The following ROBO1 variants were observed in gnomAD, a reference collection of about 807,000 sequenced individuals.
ROBO1 encodes roundabout homolog 1.
ROBO1 carries 149 observed loss-of-function variants against 195.9 expected under a neutral mutation model. That is an observed-to-expected ratio of 0.76 (90% CI 0.67 to 0.87). The LOEUF is 0.87. ROBO1 is among the 40% of genes least tolerant of loss of function. ROBO1 has a pLI of 0.00. For missense variants in ROBO1, 1,933 were observed against 2,068.3 expected (o/e 0.93, Z 1.27); for synonymous variants, 816 against 733.2 (o/e 1.11, Z -1.82).
chr3:79,508,452 A>C (rs1940528419), intron 2 of ROBO1, among the ~76,000 whole-genome samples: 1 of 152,140 alleles, frequency 6.6e-6, no homozygotes, highest in Non-Finnish European at 1.5e-5. Flanking sequence ...TAAAACCCTC[A>C]ATCTGTGGTG....
chr3:79,248,684 G>A (rs2082669339), intron 2 of ROBO1, among the ~76,000 whole-genome samples: 1 of 152,250 alleles, frequency 6.6e-6, no homozygotes, highest in Non-Finnish European at 1.5e-5. Context: ...TCGTTTTAAT[G>A]TTTCTGGCAA....
chr3:78,829,649 G>A (rs916874694), intron 4 of ROBO1, among the ~76,000 whole-genome samples: 1 of 152,090 alleles, frequency 6.6e-6, no homozygotes, highest in African/African-American at 2.4e-5. Flanking sequence ...CCCCTCTACT[G>A]TTTTCTCTTG....
intron 2 of ROBO1, among the ~76,000 whole-genome samples, chr3:79,467,699 G>A (rs538829138): frequency 1.6e-4 from 24 of 152,164 alleles, no homozygotes; most frequent in Admixed American, 3.9e-4. Context: ...CCATTTGTCC[G>A]TGTGACCTGA....
intron 2 of ROBO1, among the ~76,000 whole-genome samples, chr3:79,469,357 A>G (rs1559921527): frequency 6.6e-6 from 1 of 152,242 alleles, no homozygotes; most frequent in East Asian, 1.9e-4. Context: ...GGAAATTATG[A>G]TTAGGTTAGA....
At chr3:79,117,873 A>G (rs926486551) in intron 3 of ROBO1, among the ~76,000 whole-genome samples, 7 of 152,204 alleles carry the variant, frequency 4.6e-5, no homozygotes, top group African/African-American at 1.4e-4. Context: ...ATTGTCCAAA[A>G]TTCTCTCTAA....
At chr3:79,257,711 C>T (rs1394499993) in intron 2 of ROBO1, among the ~76,000 whole-genome samples, 1 of 152,076 alleles carries the variant, frequency 6.6e-6, no homozygotes, top group African/African-American at 2.4e-5. Flanking sequence ...ATCAGGTTGA[C>T]TTCCCCAAGG....
intron 3 of ROBO1, among the ~76,000 whole-genome samples, chr3:78,980,083 C>T (rs959516073): frequency 5.3e-5 from 8 of 151,974 alleles, no homozygotes; most frequent in African/African-American, 2.4e-5. Context: ...AAACATTTGC[C>T]GAGGGACACC....
At chr3:79,748,811 C>A (rs1037089700) in intron 1 of ROBO1, among the ~76,000 whole-genome samples, 11 of 152,154 alleles carry the variant, frequency 7.2e-5, no homozygotes, top group African/African-American at 2.7e-4. Context: ...TGCCTTCCAC[C>A]ATGATTGTGA....
chr3:79,121,149 T>C (rs1338048549), intron 3 of ROBO1, among the ~76,000 whole-genome samples: 1 of 152,150 alleles, frequency 6.6e-6, no homozygotes, highest in African/African-American at 2.4e-5. Context: ...AAATGAGTTG[T>C]TGCAGGTAAA....
intron 2 of ROBO1, among the ~76,000 whole-genome samples, chr3:79,299,811 T>C (rs2032803391): frequency 1.3e-5 from 2 of 148,420 alleles, no homozygotes; most frequent in South Asian, 2.1e-4. Flanking sequence ...GGAATGAAAA[T>C]GAAAAGTTGT....
chr3:78,887,542 A>C (rs1358755911), intron 4 of ROBO1, among the ~76,000 whole-genome samples: 1 of 152,214 alleles, frequency 6.6e-6, no homozygotes, highest in East Asian at 1.9e-4. Context: ...TATTTCAGAA[A>C]AACAAAAGAT....
At chr3:78,676,344 G>T (rs1186434718) in intron 10 of ROBO1, among the ~76,000 whole-genome samples, 2 of 152,210 alleles carry the variant, frequency 1.3e-5, no homozygotes, top group East Asian at 3.9e-4. Flanking sequence ...TTGACGAGTT[G>T]AGAGAAGAAG....
rs149599830 is a variant in ROBO1, at chr3:79,291,991, C to T, written c.89-166452G>A. Among the ~76,000 whole-genome samples, 31 of 152,258 alleles carry T rather than the reference C, an allele frequency of 2.0e-4. No individual in the cohort carries two copies. The East Asian group carries it at 5.8e-3, about 28-fold the overall frequency. On this transcript the variant is annotated intron_variant, in intron 2 of 30. Transcript: ENST00000464233. ...AGAATTGTAGAAACAATAACAGAAT[C>T]TGTTAAATTGAAATTCAAAATTGAA... is the stretch of plus-strand genomic sequence containing the variant.
rs191561369 is a variant in ROBO1 at position 79,427,538 on chromosome 3, G to A, written c.88+162286C>T. On this transcript the variant is annotated intron_variant, in intron 2 of 30. Transcript: ENST00000464233. ...GGGCAAGTTCCAGGACATTTTTTGA[G>A]TTTCAATTTCCTCATTTTAAAAATG... 2.5e-3 allele frequency among the ~76,000 whole-genome samples: 383 copies of A among 152,174 alleles called. 2 individuals carry two copies. Among genetic ancestry groups the A allele is most frequent in the African/African-American group, 7.9e-3 (328 of 41,512 alleles).
At chr3:78,855,246 C>T (rs1012276348) in intron 4 of ROBO1, among the ~76,000 whole-genome samples, 3 of 152,082 alleles carry the variant, frequency 2.0e-5, no homozygotes, top group Non-Finnish European at 4.4e-5. Flanking sequence ...ATTTGTAGTT[C>T]GACTATTCAA....
At chr3:79,020,017 A>C (rs2078066002) in intron 3 of ROBO1, among the ~76,000 whole-genome samples, 1 of 152,192 alleles carries the variant, frequency 6.6e-6, no homozygotes, top group African/African-American at 2.4e-5. Flanking sequence ...CCAAATCATA[A>C]GGCACAGGGT....
At chr3:79,699,405 A>T (rs1947546342) in intron 1 of ROBO1, among the ~76,000 whole-genome samples, 2 of 151,598 alleles carry the variant, frequency 1.3e-5, no homozygotes, top group South Asian at 2.1e-4. Context: ...TTTCTCGGAC[A>T]TTTCAAAATC....
chr3:78,609,144 A>G (rs941797708), intron 28 of ROBO1, among the ~76,000 whole-genome samples: 1 of 152,190 alleles, frequency 6.6e-6, no homozygotes, highest in Non-Finnish European at 1.5e-5. Context: ...ACATTCATAA[A>G]ACATCTATTG....
chr3:78,632,394 C>T lies in ROBO1; in HGVS notation c.3482-1089G>A, dbSNP rs146475271. Reference sequence around the variant, plus strand: ...GGGACAGGCTGTTATTAATAAACTACGATTATCAGTCCTATGTGTATGTCT... The same window carrying T: ...GGGACAGGCTGTTATTAATAAACTATGATTATCAGTCCTATGTGTATGTCT... On this transcript the variant is annotated intron_variant, in intron 24 of 30. Transcript: ENST00000464233. 4.0e-3 allele frequency among the ~76,000 whole-genome samples: 603 copies of T among 152,302 alleles called. 6 individuals are homozygous for T. The highest frequency in any genetic ancestry group is 0.013 in the African/African-American group (547 of 41,574).
Sources: allele counts gnomAD v4.1 joint callset (sites outside exome capture counted in the v4.1 genomes callset), GRCh38; gene constraint gnomAD v4.1.1; transcripts MANE v1.5; gene names NCBI Gene and HGNC (gene_info 2026-07-23, HGNC 2026-07-21).